TGFBR1: variants seen among roughly 807,000 people sequenced by gnomAD.
The protein encoded by TGFBR1 is TGF-beta receptor type-1.
TGFBR1 carries 20 observed loss-of-function variants against 55.1 expected under a neutral mutation model. The ratio of observed to expected loss-of-function variants is 0.36; its 90% CI spans 0.26 to 0.53. The LOEUF is 0.53. TGFBR1 is among the 20% of genes least tolerant of loss of function. TGFBR1 has a pLI of 0.91. For synonymous variants in TGFBR1, 220 were observed against 214.8 expected (o/e 1.02, Z -0.21); for missense variants, 385 against 617.6 (o/e 0.62, Z 3.99).
At chr9:99,132,479 A>T in intron 2 of TGFBR1, 30 bp from the exon 3 acceptor site, 1 of 1,612,698 alleles carries the variant, frequency 6.2e-7, no homozygotes, top group Non-Finnish European at 8.5e-7. Context: ...GTCGTTGTTG[A>T]TGTTTATTTC....
At chr9:99,107,816 C>G (rs1826457207) in intron 1 of TGFBR1, among the ~76,000 whole-genome samples, 1 of 152,192 alleles carries the variant, frequency 6.6e-6, no homozygotes, top group African/African-American at 2.4e-5. Flanking sequence ...ATTTCTCTTT[C>G]TCACTGACTC....
chr9:99,143,866 C>T (rs1319612517), intron 5 of TGFBR1, among the ~76,000 whole-genome samples: 7 of 152,158 alleles, frequency 4.6e-5, no homozygotes, highest in Admixed American at 4.6e-4. Context: ...TGTAGATTTG[C>T]TTATTCTGCA....
chr9:99,144,981 A>C, intron 6 of TGFBR1, 93 bp downstream of exon 6: 2 of 1,422,720 alleles, frequency 1.4e-6, no homozygotes, highest in Non-Finnish European at 1.9e-6. Context: ...AACTCAGCTT[A>C]AACTTGCACT....
intron 3 of TGFBR1, among the ~76,000 whole-genome samples, chr9:99,133,930 G>A (rs192805110): frequency 6.6e-6 from 1 of 151,852 alleles, no homozygotes; most frequent in Non-Finnish European, 1.5e-5. Context: ...CCTGAACCTG[G>A]GGGGTGGAGG....
chr9:99,134,298 A>G (rs1035382239), intron 3 of TGFBR1, among the ~76,000 whole-genome samples: 3 of 152,196 alleles, frequency 2.0e-5, no homozygotes, highest in African/African-American at 7.2e-5. Context: ...CTACTAGGAC[A>G]CACACAGGCT....
chr9:99,134,800 C>CA (rs1827369289), intron 3 of TGFBR1, among the ~76,000 whole-genome samples: 7 of 58,238 alleles, frequency 1.2e-4, no homozygotes, highest in Non-Finnish European at 3.2e-5. Context: ...ATTCTGTTTC[C>CA]ATTATATATA....
upstream of TGFBR1, among the ~76,000 whole-genome samples, chr9:99,104,851 G>T (rs1826351016): frequency 6.6e-6 from 1 of 151,912 alleles, no homozygotes; most frequent in South Asian, 2.1e-4. Context: ...GGCAGACCCC[G>T]CCCCCACGCG....
At position 99,149,478 on chromosome 9, in the gene TGFBR1, C is replaced by A; in HGVS notation, c.*173C>A. The A allele has an allele frequency of 2.5e-6, 2 of 812,036 alleles. No homozygotes were observed. Among genetic ancestry groups the A allele is most frequent in the Non-Finnish European group, 3.9e-6 (2 of 506,470 alleles). The allele number at this position is 812,036 out of a possible 1,614,324, so 50.3% of individuals were successfully genotyped here. On this transcript the variant is annotated 3_prime_UTR_variant, in exon 9 of 9. Transcript: ENST00000374994. ...CCAGGATTTCTTTGGACCCAGGAAA[C>A]AGCCATGTGGGTCCTTTCTGTGCAC...
chr9:99,143,631 T>A (rs2118791839), intron 5 of TGFBR1, among the ~76,000 whole-genome samples: 1 of 152,322 alleles, frequency 6.6e-6, no homozygotes, highest in Admixed American at 6.5e-5. Context: ...TTATTATTAT[T>A]ATTGATTGTA....
upstream of TGFBR1, among the ~76,000 whole-genome samples, chr9:99,104,572 T>C (rs1231596780): frequency 1.3e-5 from 2 of 151,970 alleles, no homozygotes; most frequent in Non-Finnish European, 2.9e-5. Context: ...AATGCTGAAG[T>C]TGATGCGTGG....
chr9:99,134,785 G>A, intron 3 of TGFBR1, among the ~76,000 whole-genome samples: 1 of 105,674 alleles, frequency 9.5e-6, no homozygotes, highest in African/African-American at 3.6e-5. Context: ...AGAAACAATG[G>A]AATAATTCTG....
chr9:99,106,547 T>G (rs992515086), intron 1 of TGFBR1, among the ~76,000 whole-genome samples: 2 of 152,212 alleles, frequency 1.3e-5, no homozygotes, highest in Non-Finnish European at 2.9e-5. Flanking sequence ...ATAATTACAT[T>G]ATTTAATCAC....
At chr9:99,147,975 C>T (rs1427733941) in intron 8 of TGFBR1, among the ~76,000 whole-genome samples, 191 bp downstream of exon 8, 1 of 152,184 alleles carries the variant, frequency 6.6e-6, no homozygotes, top group Non-Finnish European at 1.5e-5. Flanking sequence ...GGCCATGGAA[C>T]ATTTGCAGTG....
chr9:99,139,489 GC>G (rs1457194945), intron 4 of TGFBR1, among the ~76,000 whole-genome samples: 2 of 152,146 alleles, frequency 1.3e-5, no homozygotes, highest in Admixed American at 1.3e-4. Context: ...TCATCGTCCA[GC>G]TTCAACAGTT....
At chr9:99,107,011 AAC>A (rs1209716182) in intron 1 of TGFBR1, among the ~76,000 whole-genome samples, 3 of 152,248 alleles carry the variant, frequency 2.0e-5, no homozygotes, top group African/African-American at 7.2e-5. Context: ...TAACTTGAAT[AAC>A]ACAGTGCACT....
intron 1 of TGFBR1, among the ~76,000 whole-genome samples, chr9:99,108,356 A>G (rs149725147): frequency 8.9e-4 from 135 of 152,342 alleles, no homozygotes; most frequent in African/African-American, 3.0e-3. Context: ...TGAGGTTGCT[A>G]TTCTGTGTTG....
At chr9:99,138,635 C>T (rs1311492878) in intron 4 of TGFBR1, among the ~76,000 whole-genome samples, 1 of 152,180 alleles carries the variant, frequency 6.6e-6, no homozygotes, top group South Asian at 2.1e-4. Context: ...GGACACTTTT[C>T]TGCCTATCAT....
intron 1 of TGFBR1, among the ~76,000 whole-genome samples, chr9:99,109,179 G>C (rs1449943977): frequency 1.3e-5 from 2 of 152,162 alleles, no homozygotes; most frequent in South Asian, 4.1e-4. Flanking sequence ...TCTAAAGGTG[G>C]AAGGGAGGGG....
intron 5 of TGFBR1, among the ~76,000 whole-genome samples, chr9:99,143,227 T>C (rs1827682902): frequency 6.6e-6 from 1 of 152,218 alleles, no homozygotes; most frequent in South Asian, 2.1e-4. Context: ...GTGATTTTTT[T>C]TGAGTTCTTA....
Sources: allele counts gnomAD v4.1 joint callset (sites outside exome capture counted in the v4.1 genomes callset), GRCh38; gene constraint gnomAD v4.1.1; transcripts MANE v1.5; gene names NCBI Gene and HGNC (gene_info 2026-07-23, HGNC 2026-07-21).